The following MLX variants were observed in gnomAD, a reference collection of about 807,000 sequenced individuals.
MLX encodes the protein max-like protein X.
Under a neutral mutation model 33.0 loss-of-function variants are expected in MLX, and 15 were observed. That is an observed-to-expected ratio of 0.45 (90% CI 0.30 to 0.70). The LOEUF is 0.70. Ranked by LOEUF, MLX falls within the 30% of genes least tolerant of loss-of-function variation. The pLI is 0.07. For missense variants in MLX, 285 were observed against 306.3 expected, an observed-to-expected ratio of 0.93 and a Z score of 0.52; for synonymous variants, 115 against 115.6, an observed-to-expected ratio of 0.99 and a Z score of 0.03.
intron 7 of MLX, among the ~76,000 whole-genome samples, chr17:42,570,829 G>A (rs944591502): frequency 4.0e-5 from 6 of 151,890 alleles, no homozygotes; most frequent in Admixed American, 6.6e-5. Flanking sequence ...CCAATTTTTT[G>A]TATTTTTTAG....
In MLX at chr17:42,567,156, C is replaced by A; in HGVS notation, c.32C>A (p.Pro11His). 7.8e-7 allele frequency: 1 copy of A among 1,279,284 alleles called. No individual in the cohort carries two copies. The highest frequency in any genetic ancestry group is 3.2e-5 in the South Asian group (1 of 31,348). The allele number at this position is 1,279,284 out of a possible 1,614,324, so 79.2% of individuals were successfully genotyped here. A position where few individuals can be genotyped will look rare whatever the true frequency, so the allele number is the denominator to read the frequency against. Residue 11 changes from proline (P) to histidine (H), a missense_variant, in exon 1 of 8, where the codon CCT (proline) becomes CAT (histidine). Pro to His is a moderately conservative substitution (Grantham distance 77). Transcript: ENST00000435881. ...GAGCCGGGCGCCTCTCCCGAGGACC[C>A]TTGGGTCAAGGCAAGCCCCGTGGGC... is the stretch of plus-strand genomic sequence containing the variant. MTEPGASPEDPWVKVEYAYSD... is the reference protein window; with the variant it reads MTEPGASPEDHWVKVEYAYSD...
In MLX at chr17:42,572,870, G is replaced by A. The variant is rs1294031054; in HGVS notation, c.*1267G>A. 8 of 1,400,402 alleles carry A rather than the reference G, an allele frequency of 5.7e-6. No homozygotes were observed. In the East Asian group the frequency reaches 1.1e-4, roughly 20 times the overall value. 86.7% of individuals were successfully genotyped at this position (1,400,402 alleles called of 1,614,324 possible). On this transcript the variant is annotated 3_prime_UTR_variant, in exon 8 of 8. Coordinates refer to ENST00000435881, the MANE Select transcript of MLX (RefSeq NM_198204.2). ...CTCTGCTTAAAGGTGAAAGTAGCAG[G>A]AACAACAACAAAAGCCAACCAAAAA... is the stretch of plus-strand genomic sequence containing the variant.
At chr17:42,568,651 C>A in intron 3 of MLX, 92 bp downstream of exon 3, 1 of 1,304,654 alleles carries the variant, frequency 7.7e-7, no homozygotes, top group East Asian at 2.3e-5. Context: ...GCCATCCACA[C>A]AGGGGTGCTG....
rs2093036322 is a variant in MLX at position 42,572,154 on chromosome 17, C to G, written c.*551C>G. On this transcript the variant is annotated 3_prime_UTR_variant, in exon 8 of 8. Coordinates refer to ENST00000435881, the MANE Select transcript of MLX (RefSeq NM_198204.2). ...GCTGCCTGGTCAGTCCCAGGTGAGG[C>G]CAAGGGCTTTCTGGCCATCTCAGGG... 2 of 345,118 alleles carry G rather than the reference C, an allele frequency of 5.8e-6. No individual in the cohort carries two copies. Among genetic ancestry groups the G allele is most frequent in the African/African-American group, 4.3e-5 (2 of 46,332 alleles). 21.4% of individuals were successfully genotyped at this position (345,118 alleles called of 1,614,324 possible). A position where few individuals can be genotyped will look rare whatever the true frequency, so the allele number is the denominator to read the frequency against.
rs2093041637 is a variant in MLX, at chr17:42,572,707, T to A, written c.*1104T>A. ...TTATAATAAATATTGCCAAATGCTT[T>A]CCTTTAGCATTGTTCCAAGTCTAAA... On this transcript the variant is annotated 3_prime_UTR_variant, in exon 8 of 8. Coordinates refer to ENST00000435881, the MANE Select transcript of MLX (RefSeq NM_198204.2). 1.8e-6 allele frequency: 1 copy of A among 567,190 alleles called. No homozygotes were observed. 35.1% of individuals were successfully genotyped at this position (567,190 alleles called of 1,614,324 possible).
At chr17:42,567,758 T>A (rs1162834187) in intron 2 of MLX, 103 bp downstream of exon 2, 1 of 1,481,742 alleles carries the variant, frequency 6.7e-7, no homozygotes, top group African/African-American at 1.4e-5. Context: ...CCACTCTCCC[T>A]GAGCAGAGTT....
Position 42,572,897 on chromosome 17 carries a change from A to G in MLX, c.*1294A>G. The G allele has an allele frequency of 6.4e-7, 1 of 1,562,304 alleles. No homozygotes were observed. The highest frequency in any genetic ancestry group is 1.1e-5 in the South Asian group (1 of 89,742). On this transcript the variant is annotated 3_prime_UTR_variant, in exon 8 of 8. Transcript: ENST00000435881. ...ACAACAACAAAAGCCAACCAAAAAC[A>G]AGGTAGCCAGTGCAAGACATCTCAC... is the stretch of plus-strand genomic sequence containing the variant.
Position 42,572,348 on chromosome 17 carries a change from C to G in MLX, c.*745C>G, listed in dbSNP as rs921509634. 3.3e-5 allele frequency: 15 copies of G among 454,490 alleles called. No individual in the cohort carries two copies. The highest frequency in any genetic ancestry group is 2.6e-4 in the African/African-American group (13 of 50,126). The allele number at this position is 454,490 out of a possible 1,614,324, so 28.2% of individuals were successfully genotyped here. ...TTTTTTATTTTTCTAAATACCAATGCAGTTTTGCTACGGTTACAATTTTGA... is the reference window on the plus strand; with the variant it reads ...TTTTTTATTTTTCTAAATACCAATGGAGTTTTGCTACGGTTACAATTTTGA... On this transcript the variant is annotated 3_prime_UTR_variant, in exon 8 of 8. Coordinates refer to ENST00000435881, the MANE Select transcript of MLX (RefSeq NM_198204.2).
chr17:42,568,503 T>C lies in MLX; in HGVS notation c.113T>C (p.Val38Ala). Residue 38 changes from valine to alanine, a missense_variant, in exon 3 of 8, where the codon GTA (valine) becomes GCA (alanine). By Grantham distance (64) the Val-to-Ala change is moderately conservative (BLOSUM62 0). Coordinates refer to ENST00000435881, the MANE Select transcript of MLX (RefSeq NM_198204.2). Reference sequence around the variant, plus strand: ...GTAGAAAGCACCCGCAAGGGGAGTGTAGTGTCCAGAGCTAATAGCATCGGT... The same window carrying C: ...GTAGAAAGCACCCGCAAGGGGAGTGCAGTGTCCAGAGCTAATAGCATCGGT... Reference protein sequence around the residue: ...LFVESTRKGSVVSRANSIGST... With the variant: ...LFVESTRKGSAVSRANSIGST... The C allele has an allele frequency of 6.2e-7, 1 of 1,613,926 alleles. No individual in the cohort carries two copies. Among genetic ancestry groups the C allele is most frequent in the Non-Finnish European group, 8.5e-7 (1 of 1,179,908 alleles).
In MLX at chr17:42,571,726, G is replaced by C. The variant is rs1163258963; in HGVS notation, c.*123G>C. On this transcript the variant is annotated 3_prime_UTR_variant, in exon 8 of 8. Transcript: ENST00000435881. Reference sequence around the variant, plus strand: ...CACACTGGTCAGCTGGTTTCTACTTGGTGTTTGGTTTTTCCCAGCCCCATT... The same window carrying C: ...CACACTGGTCAGCTGGTTTCTACTTCGTGTTTGGTTTTTCCCAGCCCCATT... 1 of 943,422 alleles carries C rather than the reference G, an allele frequency of 1.1e-6. No homozygotes were observed. Among genetic ancestry groups the C allele is most frequent in the Non-Finnish European group, 1.7e-6 (1 of 586,836 alleles). The allele number at this position is 943,422 out of a possible 1,614,324, so 58.4% of individuals were successfully genotyped here.
intron 1 of MLX, chr17:42,567,371 G>A: frequency 1.4e-6 from 2 of 1,397,254 alleles, no homozygotes; most frequent in Admixed American, 3.1e-5. Flanking sequence ...TCGGGGGAAC[G>A]GGGCACTGGG....
chr17:42,569,031 A>C, intron 4 of MLX, 88 bp downstream of exon 4: 1 of 1,389,422 alleles, frequency 7.2e-7, no homozygotes. Context: ...AGACAGTCCC[A>C]GGCACCCTAG....
intron 4 of MLX, 55 bp from the exon 5 acceptor site, chr17:42,569,149 A>G: frequency 1.3e-6 from 2 of 1,537,362 alleles, no homozygotes; most frequent in Non-Finnish European, 9.0e-7. Context: ...ACTTTGTGCC[A>G]TTTTGCTTTA....
chr17:42,571,420 C>T, intron 7 of MLX, 127 bp from the exon 8 acceptor site: 2 of 1,005,100 alleles, frequency 2.0e-6, no homozygotes, highest in Non-Finnish European at 3.1e-6. Context: ...AGCCACCACA[C>T]CTGGCCCCCG....
At position 42,572,870 on chromosome 17, in the gene MLX, GAAC is replaced by G. The variant is rs1567911584; in HGVS notation, c.*1276_*1278del. On this transcript the variant is annotated 3_prime_UTR_variant, in exon 8 of 8. Coordinates refer to ENST00000435881, the MANE Select transcript of MLX (RefSeq NM_198204.2). ...CTCTGCTTAAAGGTGAAAGTAGCAG[GAAC>G]AACAACAAAAGCCAACCAAAAACAA... 10 of 1,400,520 alleles carry G rather than the reference GAAC, an allele frequency of 7.1e-6. No homozygotes were observed. Among genetic ancestry groups the G allele is most frequent in the Non-Finnish European group, 1.0e-5 (10 of 989,560 alleles). 86.8% of individuals were successfully genotyped at this position (1,400,520 alleles called of 1,614,324 possible).
chr17:42,569,313 G>C lies in MLX; in HGVS notation c.376+10G>C, dbSNP rs1390125200. The stretch of plus-strand genomic sequence containing the variant: ...ATCGTTCTACAAAAGAGTATGGCTA[G>C]GGAAAGCACTGGAGGGGATGGAGCC... On this transcript the variant is annotated intron_variant, in intron 5 of 7. Transcript: ENST00000435881. 6.2e-7 allele frequency: 1 copy of C among 1,612,018 alleles called. No homozygotes were observed. Among genetic ancestry groups the C allele is most frequent in the Admixed American group, 1.7e-5 (1 of 60,002 alleles).
In MLX at chr17:42,572,430, A is replaced by G. The variant is rs2093038388; in HGVS notation, c.*827A>G. On this transcript the variant is annotated 3_prime_UTR_variant, in exon 8 of 8. Transcript: ENST00000435881. ...TGTCAAGCATATCTTGGCCTCTCCC[A>G]TGTCTCAGTGTTGCCTGCATTTCTC... 2 of 454,572 alleles carry G rather than the reference A, an allele frequency of 4.4e-6. No homozygotes were observed. The highest frequency in any genetic ancestry group is 8.8e-6 in the Non-Finnish European group (2 of 226,768). The allele number at this position is 454,572 out of a possible 1,614,324, so 28.2% of individuals were successfully genotyped here. A position where few individuals can be genotyped will look rare whatever the true frequency, so the allele number is the denominator to read the frequency against.
In MLX at chr17:42,572,963, G is replaced by C; in HGVS notation, c.*1360G>C. The C allele has an allele frequency of 6.2e-7, 1 of 1,614,038 alleles. No individual in the cohort carries two copies. The highest frequency in any genetic ancestry group is 8.5e-7 in the Non-Finnish European group (1 of 1,179,940). On this transcript the variant is annotated 3_prime_UTR_variant, in exon 8 of 8. Transcript: ENST00000435881. ...CAGTCCCCACCAGTCCTGACCGTGG[G>C]CCCCTCAGGGGTCTGGGAGTGTGAC...
chr17:42,571,456 T>G, intron 7 of MLX, 91 bp from the exon 8 acceptor site: 1 of 1,412,822 alleles, frequency 7.1e-7, no homozygotes, highest in South Asian at 1.2e-5. Context: ...AGCACTTTTC[T>G]AAAGTACATG....
Sources: allele counts gnomAD v4.1 joint callset (sites outside exome capture counted in the v4.1 genomes callset), GRCh38; gene constraint gnomAD v4.1.1; transcripts MANE v1.5; gene names NCBI Gene and HGNC (gene_info 2026-07-23, HGNC 2026-07-21).